Variants in ITGB3 observed in about 807,000 individuals in gnomAD.
The protein encoded by ITGB3 is integrin beta-3.
A neutral mutation model predicts 85.8 loss-of-function variants in ITGB3; 48 were observed. The observed-to-expected ratio is 0.56, with a 90% CI of 0.44 to 0.71. The LOEUF (loss-of-function observed/expected upper bound fraction) is 0.71. Ranked by LOEUF, ITGB3 falls within the 30% of genes least tolerant of loss-of-function variation. ITGB3 has a pLI of 0.00. For synonymous variants in ITGB3, 363 were observed against 395.6 expected (o/e 0.92, Z 0.98); for missense variants, 861 against 1,019.1 (o/e 0.84, Z 2.11).
chr17:47,272,785 C>G (rs1217475154), intron 1 of ITGB3, among the ~76,000 whole-genome samples: 2 of 101,370 alleles, frequency 2.0e-5, no homozygotes, highest in African/African-American at 7.6e-5. Context: ...CCTTTTTTTT[C>G]TTTTCTGAGA....
chr17:47,294,272 T>C lies in ITGB3; in HGVS notation c.1690+1704T>C, dbSNP rs541619398. Among the ~76,000 whole-genome samples the C allele has an allele frequency of 5.9e-5, 9 of 152,298 alleles. No individual in the cohort carries two copies. In the South Asian group the frequency reaches 1.2e-3, roughly 21 times the overall value. On this transcript the variant is annotated intron_variant, in intron 10 of 14. Coordinates refer to ENST00000559488, the MANE Select transcript of ITGB3 (RefSeq NM_000212.3). ...AAAGTACCAAAGGAAATGGGTAAAT[T>C]TGAAGTGGGAGACCCCTGGGAAGAA...
At chr17:47,309,897 A>AAAAAG (rs1491078042) in intron 14 of ITGB3, among the ~76,000 whole-genome samples, 1 of 28,772 alleles carries the variant, frequency 3.5e-5, no homozygotes, top group Non-Finnish European at 7.2e-5. Flanking sequence ...CCCTGTCTGA[A>AAAAAG]AAAAAAAAAA....
At chr17:47,292,088 A>C (rs1456953511) in intron 9 of ITGB3, 51 bp from the exon 10 acceptor site, 2 of 1,582,760 alleles carry the variant, frequency 1.3e-6, no homozygotes, top group African/African-American at 1.3e-5. Context: ...CCAGAGCTGG[A>C]GTGTTAACTG....
intron 1 of ITGB3, among the ~76,000 whole-genome samples, chr17:47,271,123 GAC>G (rs1162887163): frequency 1.3e-5 from 2 of 152,174 alleles, no homozygotes; most frequent in Non-Finnish European, 2.9e-5. Context: ...TGTTAAGGCA[GAC>G]ACATAAATTA....
At chr17:47,307,994 C>T (rs1173749900) in intron 14 of ITGB3, among the ~76,000 whole-genome samples, 1 of 151,740 alleles carries the variant, frequency 6.6e-6, no homozygotes, top group Non-Finnish European at 1.5e-5. Flanking sequence ...GGTGAAACCC[C>T]GTCTCTATTA....
intron 10 of ITGB3, 149 bp downstream of exon 10, chr17:47,292,717 A>G (rs772507664): frequency 1.1e-4 from 81 of 746,160 alleles, no homozygotes; most frequent in Non-Finnish European, 1.5e-4. Context: ...ATAAGGACCA[A>G]TCCCCTTTTC....
At chr17:47,280,575 C>T (rs139833247) in intron 2 of ITGB3, among the ~76,000 whole-genome samples, 2 of 152,170 alleles carry the variant, frequency 1.3e-5, no homozygotes, top group African/African-American at 2.4e-5. Context: ...CAGGGTGGTC[C>T]GGAACTCCTG....
At chr17:47,289,118 G>A (rs2065115432) in intron 6 of ITGB3, among the ~76,000 whole-genome samples, 2 of 152,134 alleles carry the variant, frequency 1.3e-5, no homozygotes, top group Admixed American at 6.5e-5. Flanking sequence ...GGATCACGAG[G>A]GCCAGGCCAA....
intron 2 of ITGB3, among the ~76,000 whole-genome samples, chr17:47,277,074 G>A (rs1598686263): frequency 6.6e-6 from 1 of 152,118 alleles, no homozygotes; most frequent in African/African-American, 2.4e-5. Context: ...GGATGAGCAC[G>A]GAGTTTTGGG....
intron 9 of ITGB3, 83 bp downstream of exon 9, chr17:47,291,171 T>C (rs769640012): frequency 3.9e-6 from 6 of 1,545,618 alleles, no homozygotes; most frequent in South Asian, 3.3e-5. Flanking sequence ...TGACTAAAAA[T>C]GGCCCCCTTC....
At chr17:47,274,566 G>T in intron 2 of ITGB3, 62 bp downstream of exon 2, 1 of 1,412,182 alleles carries the variant, frequency 7.1e-7, no homozygotes, top group South Asian at 1.2e-5. Flanking sequence ...TGCAGAAACA[G>T]ACCCATGAAG....
At chr17:47,285,065 C>T (rs1376749710) in intron 4 of ITGB3, among the ~76,000 whole-genome samples, 1 of 152,140 alleles carries the variant, frequency 6.6e-6, no homozygotes, top group African/African-American at 2.4e-5. Flanking sequence ...GCATTATTGT[C>T]TTCATCAAGG....
rs1394242727 is a variant in ITGB3 at position 47,287,110 on chromosome 17, T to C, written c.818T>C (p.Val273Ala). Residue 273 changes from valine (V) to alanine (A), a missense_variant, in exon 6 of 15, where the codon GTG (valine) becomes GCG (alanine). Physicochemically the swap from Val to Ala is moderately conservative, Grantham distance 64. Coordinates refer to ENST00000559488, the MANE Select transcript of ITGB3 (RefSeq NM_000212.3). ...AGGAATGATGCATCCCACTTGCTGG[T>C]GTTTACCACTGATGCCAAGACTCAT... ...GWRNDASHLL[V>A]FTTDAKTHIA... is the part of the protein sequence containing the mutation. 15 of 1,614,072 alleles carry C rather than the reference T, an allele frequency of 9.3e-6. No homozygotes were observed. The highest frequency in any genetic ancestry group is 1.3e-5 in the Non-Finnish European group (15 of 1,179,966).
rs904483473 is a variant in ITGB3 at position 47,313,352 on chromosome 17, T to C, written c.*3148T>C. Among the ~76,000 whole-genome samples, 8 of 148,898 alleles carry C rather than the reference T, an allele frequency of 5.4e-5. No homozygotes were observed. In the South Asian group the frequency reaches 8.5e-4, roughly 16 times the overall value. On this transcript the variant is annotated 3_prime_UTR_variant, in exon 15 of 15. Transcript: ENST00000559488. The stretch of plus-strand genomic sequence containing the variant: ...TCCTGGTTGAAATTTCTTTTCTTTT[T>C]TTTTTTTTTTTTGAGACAGAGTCTT...
chr17:47,294,925 C>T (rs1040384820), intron 10 of ITGB3, among the ~76,000 whole-genome samples: 1 of 152,166 alleles, frequency 6.6e-6, no homozygotes, highest in Non-Finnish European at 1.5e-5. Context: ...CCTGGCCATC[C>T]CCGTTGTCCC....
At chr17:47,273,659 C>G (rs1382090687) in intron 1 of ITGB3, among the ~76,000 whole-genome samples, 1 of 152,200 alleles carries the variant, frequency 6.6e-6, no homozygotes, top group Non-Finnish European at 1.5e-5. Context: ...TTGTACAAAT[C>G]CTGAGAGACA....
intron 10 of ITGB3, among the ~76,000 whole-genome samples, chr17:47,295,779 TG>T (rs34373515): frequency 7.7e-4 from 43 of 56,030 alleles, no homozygotes; most frequent in Admixed American, 5.9e-3. Context: ...GGGGGGCGGG[TG>T]GGGGGGCAGC....
chr17:47,283,159 G>T (rs1402167802), intron 2 of ITGB3, among the ~76,000 whole-genome samples, 195 bp from the exon 3 acceptor site: 1 of 151,260 alleles, frequency 6.6e-6, no homozygotes, highest in Non-Finnish European at 1.5e-5. Context: ...CTCATGCCTT[G>T]GCCTCCCAAA....
At chr17:47,307,938 G>A (rs2065195532) in intron 14 of ITGB3, among the ~76,000 whole-genome samples, 1 of 152,062 alleles carries the variant, frequency 6.6e-6, no homozygotes, top group African/African-American at 2.4e-5. Flanking sequence ...GGCCAAGGTG[G>A]GCAGATCACT....
Sources: allele counts gnomAD v4.1 joint callset (sites outside exome capture counted in the v4.1 genomes callset), GRCh38; gene constraint gnomAD v4.1.1; transcripts MANE v1.5; gene names NCBI Gene and HGNC (gene_info 2026-07-23, HGNC 2026-07-21).